WNK3: variants seen among roughly 807,000 people sequenced by gnomAD.
The protein encoded by WNK3 is WNK lysine deficient protein kinase 3, also known as serine/threonine-protein kinase WNK3.
A neutral mutation model predicts 116.7 loss-of-function variants in WNK3; 18 were observed. The ratio of observed to expected loss-of-function variants is 0.15; its 90% CI spans 0.11 to 0.23. The LOEUF is 0.23. WNK3 is among the 10% of genes least tolerant of loss of function. WNK3 has a pLI of 1.00. For missense variants in WNK3, 993 were observed against 1,323.8 expected (o/e 0.75, Z 3.88); for synonymous variants, 404 against 469.4 (o/e 0.86, Z 1.80).
intron 10 of WNK3, among the ~76,000 whole-genome samples, chrX:54,280,020 G>A (rs1224740591): frequency 8.9e-6 from 1 of 112,408 alleles, no homozygotes; most frequent in Non-Finnish European, 1.9e-5. Context: ...CATCTAGGCC[G>A]GGCGTAGTGG....
At chrX:54,224,404 G>C (rs1403089334) in intron 22 of WNK3, among the ~76,000 whole-genome samples, 1 of 107,989 alleles carries the variant, frequency 9.3e-6, no homozygotes, top group Non-Finnish European at 1.9e-5. Context: ...GTAGACTGTT[G>C]AGTTTTCTGG....
chrX:54,283,766 CAAAAAAAAAA>C (rs782377430), intron 10 of WNK3, among the ~76,000 whole-genome samples: 1 of 24,101 alleles, frequency 4.1e-5, no homozygotes, highest in African/African-American at 1.5e-4. Flanking sequence ...AAGACTGTCT[CAAAAAAAAAA>C]AAAAAAAAAA....
intron 11 of WNK3, among the ~76,000 whole-genome samples, chrX:54,256,143 T>C (rs1209331525): frequency 1.8e-5 from 2 of 111,846 alleles, no homozygotes; most frequent in Admixed American, 1.9e-4. Flanking sequence ...GGTCACACTG[T>C]ATTTATTTAG....
chrX:54,302,930 A>ATTTTT (rs782315389), intron 5 of WNK3, among the ~76,000 whole-genome samples: 3 of 81,721 alleles, frequency 3.7e-5, no homozygotes, highest in African/African-American at 5.0e-5. Flanking sequence ...AACTCGGCTA[A>ATTTTT]TTTTTTTTTT....
At chrX:54,295,054 G>A (rs893576655) in intron 7 of WNK3, among the ~76,000 whole-genome samples, 4 of 108,232 alleles carry the variant, frequency 3.7e-5, no homozygotes, top group Non-Finnish European at 1.9e-5. Flanking sequence ...CCGCCACCAC[G>A]CCCAGCTAAT....
intron 2 of WNK3, among the ~76,000 whole-genome samples, chrX:54,318,114 T>G (rs2147204273): frequency 9.1e-6 from 1 of 109,359 alleles, no homozygotes; most frequent in African/African-American, 3.3e-5. Context: ...ATCCCAGCAC[T>G]TTGGGAGGTC....
intron 2 of WNK3, among the ~76,000 whole-genome samples, chrX:54,319,300 C>T (rs1210003011): frequency 3.6e-5 from 4 of 110,715 alleles, no homozygotes; most frequent in Non-Finnish European, 7.6e-5. Context: ...GTAGCTGGGA[C>T]TACAGGCACA....
chrX:54,330,905 C>T (rs1229651789), intron 2 of WNK3, among the ~76,000 whole-genome samples: 8 of 110,593 alleles, frequency 7.2e-5, no homozygotes, highest in Admixed American at 4.8e-4. Context: ...CCCAGCTACT[C>T]GAGAGGCTGA....
At chrX:54,320,424 A>G (rs2069015843) in intron 2 of WNK3, among the ~76,000 whole-genome samples, 1 of 112,785 alleles carries the variant, frequency 8.9e-6, no homozygotes, top group African/African-American at 3.2e-5. Context: ...TAACAATGAT[A>G]TAAAAGCTAT....
chrX:54,237,613 T>A, intron 19 of WNK3, 62 bp from the exon 20 acceptor site: 3 of 1,064,236 alleles, frequency 2.8e-6, no homozygotes, highest in Non-Finnish European at 3.7e-6. Context: ...TCTGCTGTGA[T>A]GTATATGTAT....
intron 22 of WNK3, among the ~76,000 whole-genome samples, chrX:54,223,017 G>A (rs1021139411): frequency 1.9e-5 from 2 of 103,759 alleles, no homozygotes; most frequent in Non-Finnish European, 3.9e-5. Flanking sequence ...AATACGGAGA[G>A]TCAGAGGATG....
intron 2 of WNK3, among the ~76,000 whole-genome samples, chrX:54,323,611 AG>A (rs2069063235): frequency 8.9e-6 from 1 of 112,008 alleles, no homozygotes; most frequent in Admixed American, 9.6e-5. Flanking sequence ...CAAAATAAAA[AG>A]TTTTTAAAAA....
intron 4 of WNK3, 86 bp downstream of exon 4, chrX:54,309,009 G>T: frequency 1.3e-6 from 1 of 774,346 alleles, no homozygotes; most frequent in Non-Finnish European, 1.9e-6. Flanking sequence ...CATCCCACTG[G>T]CCATAGCTGG....
chrX:54,346,524 G>A (rs1315692418), intron 1 of WNK3, among the ~76,000 whole-genome samples: 2 of 104,460 alleles, frequency 1.9e-5, no homozygotes, highest in East Asian at 6.0e-4. Context: ...ACGATCACCT[G>A]AGCCCAGGGA....
At chrX:54,291,173 C>T (rs1557164985) in intron 10 of WNK3, among the ~76,000 whole-genome samples, 2 of 110,368 alleles carry the variant, frequency 1.8e-5, no homozygotes, top group Non-Finnish European at 3.8e-5. Context: ...ATTAGCCGGG[C>T]ATGGTGGCAC....
intron 3 of WNK3, among the ~76,000 whole-genome samples, chrX:54,310,216 C>T (rs782490589): frequency 1.8e-5 from 2 of 108,548 alleles, no homozygotes; most frequent in Non-Finnish European, 1.9e-5. Context: ...TGAACTTGAC[C>T]AAGCCCTCCA....
At chrX:54,337,629 G>A (rs373806805) in intron 1 of WNK3, among the ~76,000 whole-genome samples, 27 of 103,260 alleles carry the variant, frequency 2.6e-4, no homozygotes, top group African/African-American at 8.0e-4. Flanking sequence ...AATGGATTAC[G>A]CCTGCAATCC....
At chrX:54,279,180 G>T (rs2147058719) in intron 10 of WNK3, among the ~76,000 whole-genome samples, 1 of 108,833 alleles carries the variant, frequency 9.2e-6, no homozygotes, top group East Asian at 2.8e-4. Context: ...CTAAGGCTAG[G>T]CAAAGAATTC....
chrX:54,213,218 T>C (rs1236793509), intron 22 of WNK3, among the ~76,000 whole-genome samples: 2 of 108,707 alleles, frequency 1.8e-5, no homozygotes, highest in African/African-American at 6.7e-5. Context: ...AATCCTGGGC[T>C]CAAGTAATCC....
Sources: allele counts gnomAD v4.1 joint callset (sites outside exome capture counted in the v4.1 genomes callset), GRCh38; gene constraint gnomAD v4.1.1; transcripts MANE v1.5; gene names NCBI Gene and HGNC (gene_info 2026-07-23, HGNC 2026-07-21).